Variants in APBA1 observed in about 807,000 individuals in gnomAD.
APBA1 encodes amyloid-beta A4 precursor protein-binding family A member 1.
Under a neutral mutation model 86.6 loss-of-function variants are expected in APBA1, and 55 were observed. The ratio of observed to expected loss-of-function variants is 0.64; its 90% CI spans 0.51 to 0.80. The LOEUF is 0.80. Ranked by LOEUF, APBA1 falls within the 30% of genes least tolerant of loss-of-function variation. The probability of loss-of-function intolerance (pLI) is 0.00; values close to 1 mark genes in which losing one functional copy is unlikely to be tolerated. For synonymous variants in APBA1, 511 were observed against 493.9 expected, an observed-to-expected ratio of 1.03 and a Z score of -0.46; for missense variants, 1,090 against 1,183.0, an observed-to-expected ratio of 0.92 and a Z score of 1.15.
intron 1 of APBA1, among the ~76,000 whole-genome samples, chr9:69,649,144 C>A (rs1248045628): frequency 1.3e-5 from 2 of 152,202 alleles, no homozygotes; most frequent in Non-Finnish European, 2.9e-5. Context: ...ACCATCACCT[C>A]CCTCTTGAAG....
At chr9:69,476,203 G>C in intron 2 of APBA1, 60 bp from the exon 3 acceptor site, 1 of 1,243,086 alleles carries the variant, frequency 8.0e-7, no homozygotes, top group Non-Finnish European at 1.2e-6. Flanking sequence ...ACACTTGGCT[G>C]GGGGAAAGGG....
At chr9:69,652,358 G>A (rs1270304778) in intron 1 of APBA1, among the ~76,000 whole-genome samples, 2 of 152,188 alleles carry the variant, frequency 1.3e-5, no homozygotes, top group Non-Finnish European at 2.9e-5. Flanking sequence ...GCTAGTCAGA[G>A]TGAGCAGGGC....
At chr9:69,525,497 C>A (rs1346670814) in intron 1 of APBA1, among the ~76,000 whole-genome samples, 1 of 151,328 alleles carries the variant, frequency 6.6e-6, no homozygotes, top group African/African-American at 2.4e-5. Flanking sequence ...GTGCCCCCCA[C>A]CCCCCAAAAA....
intron 1 of APBA1, among the ~76,000 whole-genome samples, chr9:69,541,779 C>T (rs1836618165): frequency 6.6e-6 from 1 of 151,850 alleles, no homozygotes; most frequent in African/African-American, 2.4e-5. Context: ...AGTAAATACA[C>T]TATAGAAAAG....
chr9:69,431,029 C>CTGGACA lies in APBA1; in HGVS notation c.*297_*298insTGTCCA, dbSNP rs1160155975. On this transcript the variant is annotated 3_prime_UTR_variant, in exon 13 of 13. Coordinates refer to ENST00000265381, the MANE Select transcript of APBA1 (RefSeq NM_001163.4). Reference sequence around the variant, plus strand: ...GGATTCTCCCTCAAGCAGTGACAGCCCACCCCCTGGACACACCCAGAAAGC... The same window carrying CTGGACA: ...GGATTCTCCCTCAAGCAGTGACAGCCTGGACACACCCCCTGGACACACCCAGAAAGC... 1.3e-5 allele frequency: 4 copies of CTGGACA among 307,418 alleles called. No individual in the cohort carries two copies. The highest frequency in any genetic ancestry group is 1.8e-5 in the Non-Finnish European group (3 of 168,276). The allele number at this position is 307,418 out of a possible 1,614,324, so 19.0% of individuals were successfully genotyped here. A position where few individuals can be genotyped will look rare whatever the true frequency, so the allele number is the denominator to read the frequency against.
chr9:69,440,376 C>A (rs1314303062), intron 11 of APBA1, among the ~76,000 whole-genome samples: 2 of 152,124 alleles, frequency 1.3e-5, no homozygotes, highest in African/African-American at 4.8e-5. Flanking sequence ...GCCCTGCCCC[C>A]AGAGGTGGAG....
chr9:69,617,349 T>G (rs1362461816), intron 1 of APBA1, among the ~76,000 whole-genome samples: 2 of 152,074 alleles, frequency 1.3e-5, no homozygotes, highest in African/African-American at 4.8e-5. Flanking sequence ...TAGTGGTGAC[T>G]TCCATAAGCT....
At chr9:69,435,383 A>G (rs1281912647) in intron 11 of APBA1, among the ~76,000 whole-genome samples, 1 of 152,024 alleles carries the variant, frequency 6.6e-6, no homozygotes, top group African/African-American at 2.4e-5. Flanking sequence ...GACTTCCACA[A>G]TGGTTGAACT....
chr9:69,517,354 AAAAAC>A, intron 1 of APBA1, 75 bp from the exon 2 acceptor site: 2 of 1,293,350 alleles, frequency 1.5e-6, no homozygotes, highest in Non-Finnish European at 2.0e-6. Context: ...AGATAACCAT[AAAAAC>A]AACTGCTATT....
intron 1 of APBA1, among the ~76,000 whole-genome samples, chr9:69,546,185 CAGCAT>C (rs1185314995): frequency 6.6e-6 from 1 of 152,184 alleles, no homozygotes; most frequent in Non-Finnish European, 1.5e-5. Flanking sequence ...TTTATTTCAT[CAGCAT>C]AAAAATCAGC....
At position 69,595,112 on chromosome 9, in the gene APBA1, G is replaced by A. The variant is rs896854956; in HGVS notation, c.-70+77041C>T. On this transcript the variant is annotated intron_variant, in intron 1 of 12. Coordinates refer to ENST00000265381, the MANE Select transcript of APBA1 (RefSeq NM_001163.4). ...TATTGTTACAGTTCACTTTCAAGGT[G>A]ATGATACTGGCAACAAGGAGATGAA... Among the ~76,000 whole-genome samples the A allele has an allele frequency of 2.6e-5, 4 of 152,160 alleles. No individual in the cohort carries two copies. In the East Asian group the frequency reaches 5.8e-4, roughly 22 times the overall value.
At chr9:69,663,710 T>C (rs1264560162) in intron 1 of APBA1, among the ~76,000 whole-genome samples, 4 of 152,218 alleles carry the variant, frequency 2.6e-5, no homozygotes, top group African/African-American at 9.6e-5. Flanking sequence ...ATACAAATTG[T>C]ATGCTAATTA....
intron 2 of APBA1, among the ~76,000 whole-genome samples, chr9:69,488,269 T>C (rs1387180266): frequency 2.0e-5 from 3 of 152,054 alleles, no homozygotes; most frequent in Admixed American, 2.0e-4. Flanking sequence ...TTTCTGAACA[T>C]GCTACAAAAG....
Position 69,565,403 on chromosome 9 carries a change from C to T in APBA1, c.-69-48124G>A, listed in dbSNP as rs543522093. Among the ~76,000 whole-genome samples the T allele has an allele frequency of 1.2e-4, 19 of 152,218 alleles. 1 individual carries two copies. Among genetic ancestry groups the T allele is most frequent in the African/African-American group, 3.6e-4 (15 of 41,516 alleles). The stretch of plus-strand genomic sequence containing the variant: ...GCCTTAGGCAGTCCTTAAATGCCAG[C>T]AGTCTCCAGCGAGCCCATCAGCTCC... On this transcript the variant is annotated intron_variant, in intron 1 of 12. Transcript: ENST00000265381.
chr9:69,602,152 T>C (rs376662926), intron 1 of APBA1, among the ~76,000 whole-genome samples: 4 of 152,354 alleles, frequency 2.6e-5, no homozygotes, highest in African/African-American at 7.2e-5. Flanking sequence ...AAAAGTGAGA[T>C]ATAATTAACA....
At chr9:69,476,363 C>T (rs1453787846) in intron 2 of APBA1, among the ~76,000 whole-genome samples, 5 of 152,154 alleles carry the variant, frequency 3.3e-5, no homozygotes, top group African/African-American at 4.8e-5. Context: ...AAGGAGCTTT[C>T]ATAGCTATGG....
chr9:69,482,358 A>G (rs1835526932), intron 2 of APBA1, among the ~76,000 whole-genome samples: 2 of 151,950 alleles, frequency 1.3e-5, no homozygotes. Context: ...TGCAGCCAAA[A>G]AACACATGAA....
chr9:69,528,075 A>G (rs1467509032), intron 1 of APBA1, among the ~76,000 whole-genome samples: 1 of 152,164 alleles, frequency 6.6e-6, no homozygotes, highest in East Asian at 1.9e-4. Context: ...GGCTTTAAAA[A>G]TTGCTTTGGC....
At chr9:69,494,798 G>A (rs1375006748) in intron 2 of APBA1, among the ~76,000 whole-genome samples, 4 of 152,118 alleles carry the variant, frequency 2.6e-5, no homozygotes, top group East Asian at 3.9e-4. Context: ...GAGATTTGCT[G>A]TAATAGCACA....
Sources: allele counts gnomAD v4.1 joint callset (sites outside exome capture counted in the v4.1 genomes callset), GRCh38; gene constraint gnomAD v4.1.1; transcripts MANE v1.5; gene names NCBI Gene and HGNC (gene_info 2026-07-23, HGNC 2026-07-21).